The following DSCAM variants were observed in gnomAD, a reference collection of about 807,000 sequenced individuals.
DSCAM encodes DS cell adhesion molecule.
Under a neutral mutation model 217.7 loss-of-function variants are expected in DSCAM, and 47 were observed. The ratio of observed to expected loss-of-function variants is 0.22; its 90% CI spans 0.17 to 0.28. DSCAM has a LOEUF of 0.28. Among genes scored for constraint, DSCAM ranks in the 10% least tolerant of loss-of-function variants. The pLI is 1.00. For synonymous variants in DSCAM, 1,056 were observed against 1,015.3 expected (o/e 1.04, Z -0.76); for missense variants, 2,080 against 2,618.3 (o/e 0.79, Z 4.49).
chr21:40,414,413 G>T (rs1308979956), intron 3 of DSCAM, among the ~76,000 whole-genome samples: 1 of 152,172 alleles, frequency 6.6e-6, no homozygotes, highest in Non-Finnish European at 1.5e-5. Context: ...GAAATGTAAA[G>T]TAAAACCACA....
chr21:40,376,079 T>A (rs2074946964), intron 3 of DSCAM, among the ~76,000 whole-genome samples: 1 of 152,228 alleles, frequency 6.6e-6, no homozygotes, highest in African/African-American at 2.4e-5. Context: ...AAATATATCT[T>A]AGAGCTCTTG....
At chr21:40,048,376 G>A (rs1357709171) in intron 30 of DSCAM, among the ~76,000 whole-genome samples, 1 of 152,214 alleles carries the variant, frequency 6.6e-6, no homozygotes, top group African/African-American at 2.4e-5. Context: ...GTATGGGGAT[G>A]AGGACATGGA....
chr21:40,396,097 C>G (rs188523188), intron 3 of DSCAM, among the ~76,000 whole-genome samples: 3 of 152,272 alleles, frequency 2.0e-5, no homozygotes, highest in Admixed American at 2.0e-4. Flanking sequence ...GTTCCTAAAT[C>G]GAGATGACAT....
chr21:40,450,222 T>C (rs981840639), intron 3 of DSCAM, among the ~76,000 whole-genome samples: 1 of 152,162 alleles, frequency 6.6e-6, no homozygotes, highest in African/African-American at 2.4e-5. Flanking sequence ...CATAAAATAA[T>C]ACATCTGAAG....
At chr21:40,129,139 T>G (rs2090128926) in intron 19 of DSCAM, among the ~76,000 whole-genome samples, 1 of 152,176 alleles carries the variant, frequency 6.6e-6, no homozygotes, top group South Asian at 2.1e-4. Context: ...GACTTGTGCA[T>G]GCACAAACAT....
At chr21:40,205,517 C>T (rs542007493) in intron 11 of DSCAM, among the ~76,000 whole-genome samples, 10 of 151,160 alleles carry the variant, frequency 6.6e-5, no homozygotes, top group South Asian at 2.1e-4. Context: ...GCAGGAGAAT[C>T]GCTTAAACCC....
chr21:40,142,773 C>A, intron 17 of DSCAM, 69 bp from the exon 18 acceptor site: 1 of 1,509,956 alleles, frequency 6.6e-7, no homozygotes, highest in Non-Finnish European at 8.9e-7. Context: ...ACCGAAAAAG[C>A]AACGTATTTT....
chr21:40,511,561 G>T, intron 3 of DSCAM, among the ~76,000 whole-genome samples: 1 of 152,140 alleles, frequency 6.6e-6, no homozygotes, highest in South Asian at 2.1e-4. Context: ...AATCACTAAT[G>T]TTGTTTTCAG....
intron 11 of DSCAM, among the ~76,000 whole-genome samples, chr21:40,272,279 C>A (rs78214375): frequency 9.9e-5 from 15 of 152,190 alleles, no homozygotes; most frequent in African/African-American, 3.6e-4. Flanking sequence ...CGTTATCTCA[C>A]ATGATAATTA....
chr21:40,360,568 G>C (rs1303332653), intron 4 of DSCAM, among the ~76,000 whole-genome samples: 2 of 152,032 alleles, frequency 1.3e-5, no homozygotes, highest in African/African-American at 4.8e-5. Context: ...TGAGGTACTT[G>C]GTTTTCTGTT....
chr21:40,673,126 C>T (rs1438223572), intron 3 of DSCAM, among the ~76,000 whole-genome samples: 1 of 152,206 alleles, frequency 6.6e-6, no homozygotes, highest in Non-Finnish European at 1.5e-5. Context: ...CCTATCCAAG[C>T]TCACTCCACT....
intron 3 of DSCAM, among the ~76,000 whole-genome samples, chr21:40,588,184 A>C (rs2076960189): frequency 6.6e-6 from 1 of 152,170 alleles, no homozygotes; most frequent in Non-Finnish European, 1.5e-5. Flanking sequence ...AAGAGGCAGG[A>C]TCTACCTGAC....
At chr21:40,629,105 G>C (rs1156863387) in intron 3 of DSCAM, among the ~76,000 whole-genome samples, 1 of 125,524 alleles carries the variant, frequency 8.0e-6, no homozygotes, top group Non-Finnish European at 1.8e-5. Flanking sequence ...GTGTGTGTGT[G>C]TGTGTGTGTG....
At chr21:40,448,981 T>C (rs143711427) in intron 3 of DSCAM, among the ~76,000 whole-genome samples, 338 of 152,346 alleles carry the variant, frequency 2.2e-3, no homozygotes, top group Non-Finnish European at 4.1e-3. Context: ...ACTGCATTTA[T>C]ACAGAAGCCT....
intron 32 of DSCAM, among the ~76,000 whole-genome samples, chr21:40,041,271 CTG>C (rs1001012097): frequency 1.3e-5 from 2 of 152,110 alleles, no homozygotes; most frequent in African/African-American, 4.8e-5. Context: ...ATAGATCAGT[CTG>C]TGAAGGAAAG....
chr21:40,138,878 G>C (rs1449276003), intron 18 of DSCAM, among the ~76,000 whole-genome samples: 1 of 145,970 alleles, frequency 6.9e-6, no homozygotes, highest in Non-Finnish European at 1.5e-5. Flanking sequence ...TGTATATGTG[G>C]GGTGTGTGTG....
intron 16 of DSCAM, among the ~76,000 whole-genome samples, chr21:40,152,129 AC>A (rs372244057): frequency 2.4e-4 from 14 of 57,186 alleles, no homozygotes; most frequent in South Asian, 2.1e-3. Flanking sequence ...AAAAAAAAAC[AC>A]AAAAAAAACA....
intron 1 of DSCAM, among the ~76,000 whole-genome samples, chr21:40,775,415 A>G (rs1290679522): frequency 2.6e-5 from 4 of 152,182 alleles, no homozygotes; most frequent in Admixed American, 2.6e-4. Context: ...GGGTATTTCC[A>G]GAAGAGGTTA....
intron 1 of DSCAM, among the ~76,000 whole-genome samples, chr21:40,809,095 C>T (rs1490390491): frequency 2.0e-5 from 3 of 152,086 alleles, no homozygotes; most frequent in African/African-American, 7.2e-5. Flanking sequence ...ACAGGGGTCT[C>T]ATCCAATGAG....
Sources: allele counts gnomAD v4.1 joint callset (sites outside exome capture counted in the v4.1 genomes callset), GRCh38; gene constraint gnomAD v4.1.1; transcripts MANE v1.5; gene names NCBI Gene and HGNC (gene_info 2026-07-23, HGNC 2026-07-21).